Variants in CCNY observed in about 807,000 individuals in gnomAD.
CCNY encodes the protein cyclin Y.
A neutral mutation model predicts 42.8 loss-of-function variants in CCNY; 19 were observed. The ratio of observed to expected loss-of-function variants is 0.44; its 90% CI spans 0.31 to 0.65. The LOEUF (loss-of-function observed/expected upper bound fraction) is 0.65, where lower values mean the gene tolerates loss of function less well. CCNY is among the 30% of genes least tolerant of loss of function. The pLI is 0.07. For synonymous variants in CCNY, 165 were observed against 162.7 expected, an observed-to-expected ratio of 1.01 and a Z score of -0.11; for missense variants, 370 against 437.3, an observed-to-expected ratio of 0.85 and a Z score of 1.37.
upstream of CCNY, among the ~76,000 whole-genome samples, chr10:35,335,399 T>C (rs1275298355): frequency 6.6e-6 from 1 of 152,048 alleles, no homozygotes; most frequent in East Asian, 1.9e-4. Flanking sequence ...CATGTTAACC[T>C]CCAAGGAACT....
intron 3 of CCNY, among the ~76,000 whole-genome samples, chr10:35,330,011 T>C (rs1253070901): frequency 1.3e-5 from 2 of 152,184 alleles, no homozygotes; most frequent in Non-Finnish European, 2.9e-5. Flanking sequence ...ACAAGTACGT[T>C]AATACAACTC....
At chr10:35,374,521 T>C (rs1837008142) in intron 1 of CCNY, among the ~76,000 whole-genome samples, 1 of 152,238 alleles carries the variant, frequency 6.6e-6, no homozygotes. Flanking sequence ...TCTTATTTGT[T>C]GCAGAGACTA....
At chr10:35,539,221 T>C (rs1043946719) in intron 7 of CCNY, among the ~76,000 whole-genome samples, 1 of 152,238 alleles carries the variant, frequency 6.6e-6, no homozygotes, top group Non-Finnish European at 1.5e-5. Context: ...AGTGTTGTTT[T>C]GGCCATGCCA....
chr10:35,470,633 C>T (rs918305707), intron 1 of CCNY, among the ~76,000 whole-genome samples: 2 of 152,168 alleles, frequency 1.3e-5, no homozygotes, highest in African/African-American at 2.4e-5. Flanking sequence ...GAAAAGATGG[C>T]TTTAGGTGGG....
Position 35,553,018 on chromosome 10 carries a change from G to C in CCNY, c.580-1G>C. 1 of 1,613,524 alleles carries C rather than the reference G, an allele frequency of 6.2e-7. No homozygotes were observed. The highest frequency in any genetic ancestry group is 8.5e-7 in the Non-Finnish European group (1 of 1,179,490). ...GCTCTGGCATTGTCTTGTCTTCCCA[G>C]GTGTACCTTGAAAGACTTTTAACAT... On this transcript the variant is annotated splice_acceptor_variant, in intron 7 of 9. Transcript: ENST00000374704. LOFTEE classifies it high-confidence loss of function.
At chr10:35,499,238 G>A (rs907582678) in intron 2 of CCNY, among the ~76,000 whole-genome samples, 2 of 152,136 alleles carry the variant, frequency 1.3e-5, no homozygotes, top group African/African-American at 2.4e-5. Flanking sequence ...ACAGTTCCAC[G>A]TAGCTGGGGA....
intron 1 of CCNY, among the ~76,000 whole-genome samples, chr10:35,422,320 A>G (rs990411669): frequency 2.0e-5 from 3 of 152,134 alleles, no homozygotes; most frequent in Non-Finnish European, 4.4e-5. Flanking sequence ...ATATTCAGCT[A>G]CAATTCTATA....
At chr10:35,347,482 A>G (rs1836331190) in intron 1 of CCNY, 10 of 964,120 alleles carry the variant, frequency 1.0e-5, no homozygotes, top group Non-Finnish European at 1.1e-5. Flanking sequence ...ATATAGCTAT[A>G]TGTTTCAAAA....
intron 1 of CCNY, among the ~76,000 whole-genome samples, chr10:35,458,882 C>T (rs925084196): frequency 2.6e-5 from 4 of 152,088 alleles, no homozygotes; most frequent in Non-Finnish European, 5.9e-5. Context: ...TTCTAAAGAA[C>T]GAGAGAGTGT....
chr10:35,368,986 T>C (rs1347402026), intron 1 of CCNY, among the ~76,000 whole-genome samples: 1 of 152,226 alleles, frequency 6.6e-6, no homozygotes, highest in East Asian at 1.9e-4. Context: ...TTCTCCACTT[T>C]TCTGGTGTAC....
At chr10:35,488,041 A>C (rs1839821927) in intron 2 of CCNY, among the ~76,000 whole-genome samples, 1 of 152,082 alleles carries the variant, frequency 6.6e-6, no homozygotes, top group African/African-American at 2.4e-5. Context: ...TTTTCCTTTT[A>C]ATTAGTGTGA....
intron 1 of CCNY, among the ~76,000 whole-genome samples, chr10:35,428,483 C>T (rs116934920): frequency 0.011 from 1,648 of 152,208 alleles, 24 homozygotes; most frequent in Non-Finnish European, 0.017. Flanking sequence ...TGAGGGTGAG[C>T]CCTGAGAGGT....
intron 8 of CCNY, among the ~76,000 whole-genome samples, chr10:35,563,307 C>T (rs1841502218): frequency 1.3e-5 from 2 of 152,174 alleles, no homozygotes; most frequent in South Asian, 4.1e-4. Context: ...CCAGGGAACC[C>T]TGGGAAAATA....
chr10:35,443,503 G>A (rs982280370), intron 1 of CCNY, among the ~76,000 whole-genome samples: 1 of 152,136 alleles, frequency 6.6e-6, no homozygotes. Context: ...ACAGGGTCAG[G>A]ATCATCAATA....
chr10:35,284,952 T>A (rs1205717053), intron 3 of CCNY, among the ~76,000 whole-genome samples: 1 of 152,178 alleles, frequency 6.6e-6, no homozygotes, highest in Non-Finnish European at 1.5e-5. Context: ...CCAGGTTACT[T>A]TCATTATGTT....
At chr10:35,501,260 C>T (rs565871164) in intron 2 of CCNY, among the ~76,000 whole-genome samples, 3 of 152,286 alleles carry the variant, frequency 2.0e-5, no homozygotes, top group South Asian at 2.1e-4. Flanking sequence ...TAATTGATTT[C>T]AGCTGCAGTT....
chr10:35,491,682 C>T (rs914770139), intron 2 of CCNY, among the ~76,000 whole-genome samples: 12 of 152,080 alleles, frequency 7.9e-5, no homozygotes, highest in Non-Finnish European at 1.2e-4. Flanking sequence ...GGCACGATCT[C>T]GGCTCACTGC....
intron 3 of CCNY, among the ~76,000 whole-genome samples, chr10:35,305,110 A>C (rs574121215): frequency 2.6e-5 from 4 of 152,194 alleles, no homozygotes; most frequent in Admixed American, 6.5e-5. Context: ...AGAAAACCGG[A>C]GACAGACTTG....
At chr10:35,291,618 C>T (rs528935965) in intron 3 of CCNY, among the ~76,000 whole-genome samples, 2 of 150,590 alleles carry the variant, frequency 1.3e-5, no homozygotes, top group East Asian at 3.9e-4. Flanking sequence ...GCTACCTCTA[C>T]CTCCCGGGTC....
Sources: allele counts gnomAD v4.1 joint callset (sites outside exome capture counted in the v4.1 genomes callset), GRCh38; gene constraint gnomAD v4.1.1; transcripts MANE v1.5; gene names NCBI Gene and HGNC (gene_info 2026-07-23, HGNC 2026-07-21).